Variants in ZBTB41 observed in about 807,000 individuals in gnomAD.
ZBTB41 encodes the protein zinc finger and BTB domain-containing protein 41.
Under a neutral mutation model 87.6 loss-of-function variants are expected in ZBTB41, and 42 were observed. The observed-to-expected ratio is 0.48, with a 90% CI of 0.37 to 0.62. ZBTB41 has a LOEUF of 0.62. Among genes scored for constraint, ZBTB41 ranks in the 20% least tolerant of loss-of-function variants. The pLI, the probability that ZBTB41 is intolerant of heterozygous loss-of-function variation, is 0.00. For synonymous variants in ZBTB41, 364 were observed against 364.0 expected, an observed-to-expected ratio of 1.00 and a Z score of 0.00; for missense variants, 799 against 1,078.9, an observed-to-expected ratio of 0.74 and a Z score of 3.63.
intron 10 of ZBTB41, among the ~76,000 whole-genome samples, chr1:197,160,659 T>C (rs1557973593): frequency 6.6e-6 from 1 of 152,108 alleles, no homozygotes; most frequent in East Asian, 1.9e-4. Context: ...TTGTTTTATA[T>C]AAAACATTAT....
intron 8 of ZBTB41, among the ~76,000 whole-genome samples, chr1:197,175,371 C>G (rs1317501188): frequency 1.5e-5 from 2 of 132,684 alleles, no homozygotes; most frequent in African/African-American, 5.3e-5. Flanking sequence ...CACTTCAAAT[C>G]ATACATTTCA....
chr1:197,192,981 AG>A (rs1307025245), intron 2 of ZBTB41, among the ~76,000 whole-genome samples: 1 of 152,196 alleles, frequency 6.6e-6, no homozygotes, highest in Non-Finnish European at 1.5e-5. Flanking sequence ...TATTTCCTTA[AG>A]GTAAGGGAAG....
chr1:197,172,691 G>C (rs1288283575), intron 9 of ZBTB41, among the ~76,000 whole-genome samples: 1 of 151,990 alleles, frequency 6.6e-6, no homozygotes, highest in Admixed American at 6.6e-5. Flanking sequence ...TTGTGGTGAT[G>C]ATTACATGAC....
chr1:197,190,313 C>T (rs1248704852), intron 4 of ZBTB41, among the ~76,000 whole-genome samples: 1 of 152,134 alleles, frequency 6.6e-6, no homozygotes, highest in African/African-American at 2.4e-5. Flanking sequence ...ACAAGCAGAA[C>T]AGAAGAATTA....
chr1:197,190,910 T>A, intron 3 of ZBTB41, 79 bp from the exon 4 acceptor site: 2 of 917,114 alleles, frequency 2.2e-6, no homozygotes, highest in Non-Finnish European at 3.3e-6. Flanking sequence ...ATGTTGACAG[T>A]AATTACCAGG....
intron 10 of ZBTB41, among the ~76,000 whole-genome samples, chr1:197,165,644 A>G (rs920406304): frequency 6.6e-6 from 1 of 151,962 alleles, no homozygotes; most frequent in Admixed American, 6.5e-5. Flanking sequence ...AAAAAAAGTG[A>G]GGTATGGAAG....
chr1:197,187,374 A>G (rs1659911241), intron 5 of ZBTB41, among the ~76,000 whole-genome samples: 1 of 152,230 alleles, frequency 6.6e-6, no homozygotes. Flanking sequence ...CTAGGTATCC[A>G]TGAGGGACTG....
intron 5 of ZBTB41, among the ~76,000 whole-genome samples, chr1:197,182,922 T>C (rs1659789224): frequency 6.6e-6 from 1 of 152,148 alleles, no homozygotes; most frequent in South Asian, 2.1e-4. Context: ...TCCAGGTGCT[T>C]GTGATATATA....
chr1:197,200,436 T>C lies in ZBTB41; in HGVS notation c.38A>G (p.Lys13Arg), dbSNP rs1449688690. The C allele has an allele frequency of 3.1e-6, 5 of 1,602,612 alleles. No individual in the cohort carries two copies. The highest frequency in any genetic ancestry group is 3.5e-5 in the Admixed American group (2 of 57,006). Residue 13 changes from lysine (K) to arginine (R), a missense_variant, in exon 2 of 11, where the codon AAG becomes AGG. Physicochemically the swap from Lys to Arg is conservative, Grantham distance 26. Coordinates refer to ENST00000367405, the MANE Select transcript of ZBTB41 (RefSeq NM_194314.3). ...ATCTTTATGATAGCCTAGATGGATC[T>C]TCTCAAGATTTGAAGTAACCTTTCT... Reference protein sequence around the residue: ...KRRKVTSNLEKIHLGYHKDSS... With the variant: ...KRRKVTSNLERIHLGYHKDSS...
intron 4 of ZBTB41, 73 bp from the exon 5 acceptor site, chr1:197,188,512 G>A (rs2125136839): frequency 1.5e-6 from 2 of 1,327,386 alleles, no homozygotes; most frequent in East Asian, 2.6e-5. Flanking sequence ...GTAATGAGAA[G>A]AAAACCATAT....
At chr1:197,191,186 G>A (rs1169627660) in intron 3 of ZBTB41, among the ~76,000 whole-genome samples, 2 of 151,908 alleles carry the variant, frequency 1.3e-5, no homozygotes, top group African/African-American at 2.4e-5. Flanking sequence ...TTGACCGGGC[G>A]TGGTGGCTCA....
intron 6 of ZBTB41, among the ~76,000 whole-genome samples, chr1:197,178,734 T>C (rs778702584): frequency 2.0e-5 from 3 of 152,130 alleles, no homozygotes; most frequent in Admixed American, 6.6e-5. Flanking sequence ...TCATTTGCCA[T>C]TGGTTTGCTC....
intron 10 of ZBTB41, among the ~76,000 whole-genome samples, chr1:197,171,817 G>A (rs1320323738): frequency 6.6e-6 from 1 of 151,762 alleles, no homozygotes; most frequent in Non-Finnish European, 1.5e-5. Flanking sequence ...TTAATCTGAA[G>A]GCTTAAGAAA....
rs1484538688 is a variant in ZBTB41 at position 197,159,342 on chromosome 1, G to A, written c.*17C>T. ...AGCATATAACCATCCAAAAATCTGTGGAATGTTTAGATTTACTCATGAATG... is the reference window on the plus strand; with the variant it reads ...AGCATATAACCATCCAAAAATCTGTAGAATGTTTAGATTTACTCATGAATG... On this transcript the variant is annotated 3_prime_UTR_variant, in exon 11 of 11. Transcript: ENST00000367405. 2 of 1,610,186 alleles carry A rather than the reference G, an allele frequency of 1.2e-6. No homozygotes were observed. Among genetic ancestry groups the A allele is most frequent in the Non-Finnish European group, 1.7e-6 (2 of 1,177,146 alleles).
chr1:197,176,875 A>G (rs951015387), intron 7 of ZBTB41, among the ~76,000 whole-genome samples: 3 of 152,134 alleles, frequency 2.0e-5, no homozygotes, highest in Non-Finnish European at 4.4e-5. Flanking sequence ...CTTTCAAGAA[A>G]GCATTTCAAC....
intron 8 of ZBTB41, among the ~76,000 whole-genome samples, chr1:197,175,515 A>T (rs1324892818): frequency 6.7e-6 from 1 of 148,186 alleles, no homozygotes; most frequent in Non-Finnish European, 1.5e-5. Context: ...TACTGTTTAT[A>T]AAAAGGACCC....
intron 5 of ZBTB41, among the ~76,000 whole-genome samples, chr1:197,185,433 T>C (rs1415762722): frequency 6.6e-6 from 1 of 152,118 alleles, no homozygotes; most frequent in East Asian, 1.9e-4. Context: ...AGGTAATTCA[T>C]TAAATACTAT....
At position 197,175,066 on chromosome 1, in the gene ZBTB41, C is replaced by G; in HGVS notation, c.1929G>C (p.Arg643Ser). 1 of 1,611,122 alleles carries G rather than the reference C, an allele frequency of 6.2e-7. No individual in the cohort carries two copies. The highest frequency in any genetic ancestry group is 8.5e-7 in the Non-Finnish European group (1 of 1,178,374). Reference sequence around the variant, plus strand: ...TTTTGTAATGAACAGTGAGATGATCCCTACGACCAAAACATTTTCCACATT... The same window carrying G: ...TTTTGTAATGAACAGTGAGATGATCGCTACGACCAAAACATTTTCCACATT... ...CEECGKCFGR[R>S]DHLTVHYKSV... is the part of the protein sequence containing the mutation. Residue 643 changes from arginine to serine, a missense_variant, in exon 9 of 11, where the codon AGG becomes AGC. Coordinates refer to ENST00000367405, the MANE Select transcript of ZBTB41 (RefSeq NM_194314.3).
In ZBTB41 at chr1:197,200,579, G is replaced by T; in HGVS notation, c.-106C>A. The T allele has an allele frequency of 8.8e-7, 1 of 1,137,654 alleles. No homozygotes were observed. Among genetic ancestry groups the T allele is most frequent in the East Asian group, 2.5e-5 (1 of 40,448 alleles). The allele number at this position is 1,137,654 out of a possible 1,614,324, so 70.5% of individuals were successfully genotyped here. ...ACAGCTTCTGAAGGGGCGTGCCCAAGGGTTTCATGGTCTGCAAAAGAGTGA... is the reference window on the plus strand; with the variant it reads ...ACAGCTTCTGAAGGGGCGTGCCCAATGGTTTCATGGTCTGCAAAAGAGTGA... On this transcript the variant is annotated 5_prime_UTR_variant, in exon 2 of 11. Coordinates refer to ENST00000367405, the MANE Select transcript of ZBTB41 (RefSeq NM_194314.3).
Sources: allele counts gnomAD v4.1 joint callset (sites outside exome capture counted in the v4.1 genomes callset), GRCh38; gene constraint gnomAD v4.1.1; transcripts MANE v1.5; gene names NCBI Gene and HGNC (gene_info 2026-07-23, HGNC 2026-07-21).